Variants in SWI5 observed in about 807,000 individuals in gnomAD.
SWI5 encodes the protein SWI5 homologous recombination repair protein.
A neutral mutation model predicts 17.0 loss-of-function variants in SWI5; 12 were observed. That is an observed-to-expected ratio of 0.71 (90% confidence interval 0.45 to 1.14). SWI5 has a LOEUF of 1.14. Among genes scored for constraint, SWI5 ranks in the 50% most tolerant of loss-of-function variants. SWI5 has a pLI of 0.00. For synonymous variants in SWI5, 61 were observed against 64.0 expected (o/e 0.95, Z 0.22); for missense variants, 158 against 162.2 (o/e 0.97, Z 0.14).
intron 4 of SWI5, among the ~76,000 whole-genome samples, chr9:128,287,897 C>A (rs942031519): frequency 1.3e-5 from 2 of 152,116 alleles, no homozygotes; most frequent in Non-Finnish European, 2.9e-5. Context: ...TACTGAGCAG[C>A]TGCTCTGTGC....
In SWI5 at chr9:128,288,661, G is replaced by A. The variant is rs1208554491; in HGVS notation, c.338G>A (p.Arg113Gln). The A allele has an allele frequency of 1.3e-5, 21 of 1,613,974 alleles. No homozygotes were observed. Among genetic ancestry groups the A allele is most frequent in the South Asian group, 3.3e-5 (3 of 91,088 alleles). The change falls in exon 5 of 5, where the codon CGA becomes CAA. Residue 113 changes from arginine to glutamine, a missense_variant. Transcript: ENST00000418976. ...CCTTCCTTCCTTTCAGCTGTGATCC[G>A]AGGTGTCACCACCAAAGAGTTGTAT...
At chr9:128,279,420 G>T (rs565309064) in intron 2 of SWI5, among the ~76,000 whole-genome samples, 3 of 152,294 alleles carry the variant, frequency 2.0e-5, no homozygotes, top group African/African-American at 4.8e-5. Flanking sequence ...AACAAGGGGG[G>T]CAGGGTAAGG....
chr9:128,275,843 C>A, upstream of SWI5: 2 of 954,660 alleles, frequency 2.1e-6, no homozygotes, highest in Non-Finnish European at 1.6e-6. Flanking sequence ...GTCCTGCCAT[C>A]GGAGTGGGGC....
At chr9:128,282,379 C>T (rs1197521752) in intron 2 of SWI5, among the ~76,000 whole-genome samples, 3 of 151,442 alleles carry the variant, frequency 2.0e-5, no homozygotes, top group Non-Finnish European at 2.9e-5. Flanking sequence ...AACGCGAGAA[C>T]TGTCTCAAAA....
At chr9:128,286,999 C>T (rs1027386404) in intron 4 of SWI5, among the ~76,000 whole-genome samples, 61 of 151,924 alleles carry the variant, frequency 4.0e-4, no homozygotes, top group African/African-American at 1.4e-3. Flanking sequence ...TAAAATTAGC[C>T]AGGCATGGTG....
chr9:128,278,352 T>G (rs964773005), intron 2 of SWI5, among the ~76,000 whole-genome samples: 9 of 152,222 alleles, frequency 5.9e-5, no homozygotes, highest in South Asian at 2.1e-4. Flanking sequence ...GTGGATCACC[T>G]GAGGTCAGGA....
At chr9:128,281,964 T>G (rs1252328457) in intron 2 of SWI5, among the ~76,000 whole-genome samples, 1 of 152,228 alleles carries the variant, frequency 6.6e-6, no homozygotes, top group African/African-American at 2.4e-5. Flanking sequence ...ATGCCTGTTG[T>G]GCTACTCAGG....
At chr9:128,286,133 G>A (rs1010981185) in intron 4 of SWI5, 100 bp downstream of exon 4, 35 of 837,258 alleles carry the variant, frequency 4.2e-5, no homozygotes, top group Admixed American at 8.1e-5. Context: ...CTTGCCAACC[G>A]TCACACCCTC....
Position 128,276,260 on chromosome 9 carries a change from C to G in SWI5, c.-81C>G, listed in dbSNP as rs1390578501. The G allele has an allele frequency of 1.9e-6, 3 of 1,612,706 alleles. No individual in the cohort carries two copies. The highest frequency in any genetic ancestry group is 2.5e-6 in the Non-Finnish European group (3 of 1,179,526). ...GGCCGGCTTTCCTTGGGTGCGCGCG[C>G]AGCTTTCTGTGCGCCAGTTCACACT... is the stretch of plus-strand genomic sequence containing the variant. On this transcript the variant is annotated 5_prime_UTR_variant, in exon 1 of 5. Coordinates refer to ENST00000418976, the Ensembl canonical transcript of SWI5.
chr9:128,275,554 G>A, upstream of SWI5: 3 of 1,225,424 alleles, frequency 2.4e-6, no homozygotes, highest in Non-Finnish European at 3.2e-6. Flanking sequence ...AGTCACTGGC[G>A]AGGGCAGGGG....
chr9:128,281,230 G>A (rs1831533613), intron 2 of SWI5, among the ~76,000 whole-genome samples: 1 of 151,748 alleles, frequency 6.6e-6, no homozygotes, highest in Admixed American at 6.6e-5. Flanking sequence ...TAGAGACAGG[G>A]TTTCACTATG....
chr9:128,279,616 A>G (rs1482967251), intron 2 of SWI5, among the ~76,000 whole-genome samples: 2 of 152,354 alleles, frequency 1.3e-5, no homozygotes, highest in East Asian at 1.9e-4. Flanking sequence ...ACTATCTACT[A>G]TGAACTTCAA....
chr9:128,287,778 TC>T (rs1195688483), intron 4 of SWI5, among the ~76,000 whole-genome samples: 1 of 151,922 alleles, frequency 6.6e-6, no homozygotes, highest in East Asian at 1.9e-4. Context: ...GCCAGGCTGG[TC>T]TTGAACTCCT....
intron 2 of SWI5, among the ~76,000 whole-genome samples, chr9:128,280,491 T>C (rs566768861): frequency 1.2e-4 from 18 of 147,630 alleles, no homozygotes; most frequent in African/African-American, 4.1e-4. Context: ...GCACTACTCA[T>C]GGTTGCATCT....
rs2131424307 is a variant in SWI5, at chr9:128,285,990, C to T, written c.285C>T (p.Tyr95=). 6.2e-7 allele frequency: 1 copy of T among 1,614,082 alleles called. No homozygotes were observed. The highest frequency in any genetic ancestry group is 8.5e-7 in the Non-Finnish European group (1 of 1,179,982). ...ACCACATTACCCAGCTTCACGAGTA[C>T]AATGACATCAAGGATGTGGGGCAGA... Residue 95 remains tyrosine, a synonymous_variant, in exon 4 of 5, where the codon TAC becomes TAT. Coordinates refer to ENST00000418976, the Ensembl canonical transcript of SWI5. The surrounding 1 kb of genome is among the most constrained non-coding windows in gnomAD (Gnocchi z 4.8).
At chr9:128,276,437 G>C (rs765031453) in intron 1 of SWI5, 35 bp downstream of exon 1, 1 of 1,607,050 alleles carries the variant, frequency 6.2e-7, no homozygotes, top group Non-Finnish European at 8.5e-7. Context: ...TTTCTTTCCT[G>C]ACTCCTCACA....
upstream of SWI5, chr9:128,276,159 G>A (rs750693445): frequency 2.5e-6 from 4 of 1,570,706 alleles, no homozygotes; most frequent in Non-Finnish European, 2.6e-6. Context: ...CAGCGGCGTG[G>A]CCAGAGGGAC....
chr9:128,276,077 TG>T (rs904584779), upstream of SWI5: 10 of 1,573,618 alleles, frequency 6.4e-6, no homozygotes, highest in Admixed American at 1.4e-4. Flanking sequence ...GAGCGCAGAA[TG>T]GGGGCGTGGC....
chr9:128,283,068 A>T (rs538539897), intron 2 of SWI5, among the ~76,000 whole-genome samples: 6 of 152,098 alleles, frequency 3.9e-5, no homozygotes, highest in Admixed American at 2.0e-4. Flanking sequence ...TAATCCCAGC[A>T]CTTTGGGAGG....
Sources: gnomAD v4.1 joint callset for allele counts (sites outside exome capture counted in the v4.1 genomes callset) on GRCh38, gnomAD v4.1.1 for gene constraint, Gnocchi (gnomAD v3.1) non-coding constraint, MANE v1.5 for transcripts, NCBI Gene and HGNC (gene_info 2026-07-23, HGNC 2026-07-21) for gene names.